Variants in USH1C observed in about 807,000 individuals in gnomAD.
USH1C encodes USH1 protein network component harmonin.
A neutral mutation model predicts 119.3 loss-of-function variants in USH1C; 90 were observed. The observed-to-expected ratio is 0.75, with a 90% CI of 0.64 to 0.90. The LOEUF (loss-of-function observed/expected upper bound fraction) is 0.90, where lower values mean the gene tolerates loss of function less well. Among genes scored for constraint, USH1C ranks in the 40% least tolerant of loss-of-function variants. USH1C has a pLI of 0.00. For synonymous variants in USH1C, 465 were observed against 443.3 expected (o/e 1.05, Z -0.62); for missense variants, 1,165 against 1,167.7 (o/e 1.00, Z 0.03).
chr11:17,504,805 G>A, intron 19 of USH1C, 108 bp from the exon 20 acceptor site: 1 of 1,140,756 alleles, frequency 8.8e-7, no homozygotes, highest in South Asian at 1.3e-5. Context: ...CCGTGCCAAT[G>A]TCCCTCCCCG....
In USH1C at chr11:17,526,373, C is replaced by T. The variant is rs77137413; in HGVS notation, c.648G>A (p.Leu216=). ...TGCAGCCAAGGCCTCGGGAGCCTAC[C>T]AGGCTGATGAAGACCTTCTTCTCCT... ...ENKEKKVFIS[L]VGSRGLGCSI... Residue 216 remains leucine (L), a synonymous_variant, in exon 8 of 27, where the codon CTG becomes CTA. Coordinates refer to ENST00000005226, the MANE Select transcript of USH1C (RefSeq NM_153676.4). 5.1e-4 allele frequency: 819 copies of T among 1,614,020 alleles called. 12 individuals are homozygous for T. The East Asian group carries it at 0.013, about 26-fold the overall frequency.
rs199704356 is a variant in USH1C at position 17,516,265 on chromosome 11, A to G, written c.1236T>C (p.Asp412=). 5.3e-5 allele frequency: 86 copies of G among 1,613,678 alleles called. No homozygotes were observed. The East Asian group carries it at 1.8e-3, about 33-fold the overall frequency. Residue 412 remains aspartate (D), a synonymous_variant, in exon 15 of 27, where the codon GAT becomes GAC. Transcript: ENST00000005226. ...CCTTCCGGATGGTTGGGAATTTGCCATCGTAACGATAAAACCATCCAAAAG... is the reference window on the plus strand; with the variant it reads ...CCTTCCGGATGGTTGGGAATTTGCCGTCGTAACGATAAAACCATCCAAAAG... ...PKSFGWFYRY[D]GKFPTIRKKG...
rs1849798918 is a variant in USH1C, at chr11:17,509,721, T to C, written c.1648A>G (p.Met550Val). ...TTDLDDIPLD[M>V]FYYPPKTPSA... The stretch of plus-strand genomic sequence containing the variant: ...GGAGTCTTGGGGGGATAGTAGAACA[T>C]GTCCAAAGGGATGTCGTCCAGGTCA... Residue 550 changes from methionine (M) to valine (V), a missense_variant, in exon 18 of 27, where the codon ATG becomes GTG. Coordinates refer to ENST00000005226, the MANE Select transcript of USH1C (RefSeq NM_153676.4). 1.9e-6 allele frequency: 3 copies of C among 1,600,432 alleles called. No individual in the cohort carries two copies. The highest frequency in any genetic ancestry group is 1.7e-6 in the Non-Finnish European group (2 of 1,179,408).
At chr11:17,511,548 A>G (rs1286930841) in intron 16 of USH1C, among the ~76,000 whole-genome samples, 1 of 152,126 alleles carries the variant, frequency 6.6e-6, no homozygotes, top group African/African-American at 2.4e-5. Flanking sequence ...ACAGACTCAA[A>G]TCTCTAAGCC....
intron 1 of USH1C, among the ~76,000 whole-genome samples, chr11:17,543,671 C>T (rs111743705): frequency 0.012 from 1,861 of 152,294 alleles, 45 homozygotes; most frequent in African/African-American, 0.042. Context: ...AGGATCTGGC[C>T]GGCCAGAGCC....
At chr11:17,529,906 G>A (rs768531792) in intron 4 of USH1C, among the ~76,000 whole-genome samples, 1 of 152,224 alleles carries the variant, frequency 6.6e-6, no homozygotes, top group East Asian at 1.9e-4. Flanking sequence ...TGTCCTAAGA[G>A]AGCTCGCCCT....
chr11:17,504,607 G>A (rs1189392033), intron 20 of USH1C, 40 bp downstream of exon 20: 3 of 1,608,466 alleles, frequency 1.9e-6, no homozygotes, highest in Admixed American at 1.7e-5. Flanking sequence ...GGACGGGGGT[G>A]GTGGGGAGAC....
chr11:17,495,284 G>A (rs2133762045), intron 26 of USH1C, among the ~76,000 whole-genome samples: 1 of 152,314 alleles, frequency 6.6e-6, no homozygotes, highest in Admixed American at 6.5e-5. Context: ...GCTCATTTGG[G>A]TGCTGCTTGG....
At position 17,517,448 on chromosome 11, in the gene USH1C, C is replaced by T. The variant is rs752129544; in HGVS notation, c.1211-1158G>A. The stretch of plus-strand genomic sequence containing the variant: ...CCTCCATCCAGGTCATCTGCGGGCT[C>T]GAGCTCAGGTTCCACTCCCTGATCA... On this transcript the variant is annotated intron_variant, in intron 14 of 26. Transcript: ENST00000005226. 37 of 1,595,834 alleles carry T rather than the reference C, an allele frequency of 2.3e-5. No individual in the cohort carries two copies. The highest frequency in any genetic ancestry group is 1.7e-4 in the Middle Eastern group (1 of 6,038).
chr11:17,502,234 C>T (rs773979834), intron 20 of USH1C, among the ~76,000 whole-genome samples: 16 of 152,124 alleles, frequency 1.1e-4, no homozygotes, highest in South Asian at 2.1e-4. Flanking sequence ...GCGGCACAAG[C>T]GTCAGGGGCT....
intron 1 of USH1C, among the ~76,000 whole-genome samples, chr11:17,540,854 G>C (rs1029330399): frequency 6.6e-6 from 1 of 152,138 alleles, no homozygotes; most frequent in African/African-American, 2.4e-5. Flanking sequence ...ATTCTCTACA[G>C]AGCAGCCAGA....
At chr11:17,533,619 T>C (rs548116977) in intron 1 of USH1C, 2 of 548,474 alleles carry the variant, frequency 3.6e-6, no homozygotes, top group Non-Finnish European at 6.9e-6. Flanking sequence ...CATAGGTACA[T>C]ATGTGAATCC....
chr11:17,538,288 G>C (rs1355386666), intron 1 of USH1C, among the ~76,000 whole-genome samples: 1 of 152,170 alleles, frequency 6.6e-6, no homozygotes. Flanking sequence ...AGGGGACAGG[G>C]AGCATCTCCA....
In USH1C at chr11:17,505,955, G is replaced by T. The variant is rs893999241; in HGVS notation, c.2014-6C>A. On this transcript the variant is annotated splice_polypyrimidine_tract_variant and splice_region_variant and intron_variant, in intron 18 of 26. Coordinates refer to ENST00000005226, the MANE Select transcript of USH1C (RefSeq NM_153676.4). ...TGTGGGCTTGGGCAAAATGTCTAAGGAGTTAGTTTAACAGGGACCCAGGTG... is the reference window on the plus strand; with the variant it reads ...TGTGGGCTTGGGCAAAATGTCTAAGTAGTTAGTTTAACAGGGACCCAGGTG... 1.9e-6 allele frequency: 3 copies of T among 1,614,192 alleles called. No individual in the cohort carries two copies. The highest frequency in any genetic ancestry group is 3.3e-5 in the Admixed American group (2 of 60,024).
intron 14 of USH1C, among the ~76,000 whole-genome samples, chr11:17,517,721 A>G (rs1326977664): frequency 6.6e-6 from 1 of 152,034 alleles, no homozygotes; most frequent in Non-Finnish European, 1.5e-5. Context: ...ACAACAGGAA[A>G]CTCAGATCTG....
intron 24 of USH1C, 59 bp from the exon 25 acceptor site, chr11:17,496,872 G>T: frequency 6.3e-7 from 1 of 1,594,306 alleles, no homozygotes; most frequent in South Asian, 1.1e-5. Flanking sequence ...CATCTGCCCC[G>T]GCACTCCATC....
Position 17,527,041 on chromosome 11 carries a change from CT to C in USH1C, c.497-2del, listed in dbSNP as rs1480243085. 5.1e-6 allele frequency: 8 copies of C among 1,555,676 alleles called. No individual in the cohort carries two copies. Among genetic ancestry groups the C allele is most frequent in the Middle Eastern group, 1.7e-4 (1 of 5,918 alleles). ...CTTTTCACGGGGATCAGGCCGATGT[CT>C]GCGGGAGAAAGGCACAGGGGTTAGG... On this transcript the variant is annotated splice_acceptor_variant, in intron 5 of 26. Transcript: ENST00000005226. LOFTEE classifies it high-confidence loss of function.
At chr11:17,535,041 G>C (rs987392216) in intron 1 of USH1C, among the ~76,000 whole-genome samples, 2 of 152,150 alleles carry the variant, frequency 1.3e-5, no homozygotes, top group Admixed American at 6.5e-5. Context: ...GCTCAGGCCT[G>C]TGGGGCAGGG....
intron 1 of USH1C, chr11:17,533,716 T>A (rs1359096660): frequency 2.1e-6 from 1 of 473,874 alleles, no homozygotes; most frequent in South Asian, 1.5e-5. Context: ...CCCACTGTCT[T>A]ACCTGATGGT....
Sources: gnomAD v4.1 joint callset for allele counts (sites outside exome capture counted in the v4.1 genomes callset) on GRCh38, gnomAD v4.1.1 for gene constraint, MANE v1.5 for transcripts, NCBI Gene and HGNC (gene_info 2026-07-23, HGNC 2026-07-21) for gene names.